The following ANO4 variants were observed in gnomAD, a reference collection of about 807,000 sequenced individuals.
ANO4 encodes the protein anoctamin-4.
In ANO4, 69 loss-of-function variants were observed where a neutral mutation model predicts 141.9. That is an observed-to-expected ratio of 0.49 (90% CI 0.40 to 0.59). ANO4 has a LOEUF of 0.59. Among genes scored for constraint, ANO4 ranks in the 20% least tolerant of loss-of-function variants. The pLI, the probability that ANO4 is intolerant of heterozygous loss-of-function variation, is 0.00. For synonymous variants in ANO4, 350 were observed against 394.3 expected, an observed-to-expected ratio of 0.89 and a Z score of 1.33; for missense variants, 894 against 1,162.2, an observed-to-expected ratio of 0.77 and a Z score of 3.36.
chr12:101,069,823 A>G (rs903732812), intron 14 of ANO4, among the ~76,000 whole-genome samples: 4 of 152,154 alleles, frequency 2.6e-5, no homozygotes, highest in Admixed American at 2.6e-4. Context: ...AAAAGTATCT[A>G]CGGGTATATA....
rs2047574697 is a variant in ANO4, at chr12:101,045,289, C to T, written c.1251+1654C>T. On this transcript the variant is annotated intron_variant, in intron 13 of 27. Transcript: ENST00000392977. ...CAGAGACTCAAAGAGGTAAAAATTA[C>T]TCATGCATGGTCATGCAGCAATAAG... Among the ~76,000 whole-genome samples, 3 of 152,170 alleles carry T rather than the reference C, an allele frequency of 2.0e-5. No individual in the cohort carries two copies. In the South Asian group the frequency reaches 6.2e-4, roughly 32 times the overall value.
chr12:100,997,331 CAAAAAA>C (rs34066695), intron 8 of ANO4, among the ~76,000 whole-genome samples: 3 of 75,944 alleles, frequency 4.0e-5, no homozygotes, highest in East Asian at 3.8e-4. Context: ...GACTCTGTCT[CAAAAAA>C]AAAAAAAAAA....
intron 25 of ANO4, among the ~76,000 whole-genome samples, chr12:101,118,320 C>G (rs2050939416): frequency 6.6e-6 from 1 of 152,070 alleles, no homozygotes; most frequent in Non-Finnish European, 1.5e-5. Context: ...TCCTGCCTGT[C>G]TCACATAGTA....
chr12:100,751,268 C>T lies in ANO4; in HGVS notation c.358+11163C>T, dbSNP rs143525467. On this transcript the variant is annotated intron_variant, in intron 3 of 29. Coordinates refer to the ANO4 transcript ENST00000644049. ...GAAGTGAAGTGTTTAGAAAGATCTA[C>T]GCGGGAAAGCAAGTGGGAGAGAATG... Among the ~76,000 whole-genome samples, 93 of 152,230 alleles carry T rather than the reference C, an allele frequency of 6.1e-4. No homozygotes were observed. The East Asian group carries it at 0.016, about 27-fold the overall frequency.
At chr12:101,069,608 C>T (rs1316674578) in intron 14 of ANO4, among the ~76,000 whole-genome samples, 1 of 152,156 alleles carries the variant, frequency 6.6e-6, no homozygotes, top group Non-Finnish European at 1.5e-5. Context: ...GTGCCAGTTA[C>T]AGCAGGTGAT....
intron 8 of ANO4, among the ~76,000 whole-genome samples, chr12:100,991,742 C>A (rs1000586813): frequency 6.6e-6 from 1 of 152,022 alleles, no homozygotes; most frequent in East Asian, 1.9e-4. Context: ...CTATGCCTTT[C>A]TCACTCATTT....
chr12:100,885,605 G>A (rs2039788931), intron 1 of ANO4: 1 of 152,210 alleles, frequency 6.6e-6, no homozygotes, highest in Admixed American at 6.5e-5. Context: ...GATAAAGAAT[G>A]TGCCTGGACT....
chr12:100,821,103 C>T (rs181503903), intron 1 of ANO4, among the ~76,000 whole-genome samples: 2 of 152,162 alleles, frequency 1.3e-5, no homozygotes, highest in East Asian at 3.9e-4. Context: ...CTCACGAATT[C>T]ACCTGTTGAT....
At chr12:100,731,869 A>G (rs944997337) in intron 1 of ANO4, among the ~76,000 whole-genome samples, 1 of 152,194 alleles carries the variant, frequency 6.6e-6, no homozygotes, top group Non-Finnish European at 1.5e-5. Context: ...TTGTCTGGAT[A>G]TACCACAGTT....
chr12:101,086,540 C>T, intron 16 of ANO4, 120 bp from the exon 17 acceptor site: 1 of 1,049,672 alleles, frequency 9.5e-7, no homozygotes, highest in South Asian at 1.5e-5. Context: ...ATTGTGATCT[C>T]TTGAGCAGTA....
intron 5 of ANO4, among the ~76,000 whole-genome samples, chr12:100,945,728 C>T (rs2042692122): frequency 6.6e-6 from 1 of 152,144 alleles, no homozygotes; most frequent in Admixed American, 6.5e-5. Flanking sequence ...GGAGCACCCT[C>T]CCGCTTCAGA....
intron 1 of ANO4, among the ~76,000 whole-genome samples, chr12:100,804,270 A>C (rs2034864330): frequency 6.6e-6 from 1 of 152,142 alleles, no homozygotes; most frequent in Admixed American, 6.5e-5. Context: ...GTCCTTGAGA[A>C]GGACATGATC....
At chr12:100,959,131 G>C (rs775213212) in intron 5 of ANO4, among the ~76,000 whole-genome samples, 4 of 147,380 alleles carry the variant, frequency 2.7e-5, no homozygotes, top group Non-Finnish European at 4.5e-5. Flanking sequence ...CACACACACA[G>C]TTCTGCTGAT....
rs56808655 is a variant in ANO4, at chr12:101,106,573, GTA to G, written c.2150-3810_2150-3809del. Among the ~76,000 whole-genome samples the G allele has an allele frequency of 7.2e-3, 1,004 of 138,488 alleles. 8 individuals carry two copies. Among genetic ancestry groups the G allele is most frequent in the Middle Eastern group, 0.012 (3 of 260 alleles). 90.9% of individuals were successfully genotyped at this position (138,488 alleles called of 152,430 possible). On this transcript the variant is annotated intron_variant, in intron 22 of 27. Transcript: ENST00000392977. ...TATGGATATTCATGTGTGTGTGTGT[GTA>G]TATATATATATATATATATAAATGA... is the stretch of plus-strand genomic sequence containing the variant.
intron 1 of ANO4, among the ~76,000 whole-genome samples, chr12:100,807,903 T>A (rs1157671393): frequency 3.9e-5 from 6 of 152,208 alleles, no homozygotes; most frequent in African/African-American, 1.2e-4. Context: ...TCTTGTTCCT[T>A]TTTATGGCTG....
At chr12:100,816,579 A>G (rs2035753492) in intron 1 of ANO4, among the ~76,000 whole-genome samples, 4 of 151,980 alleles carry the variant, frequency 2.6e-5, no homozygotes, top group Admixed American at 2.6e-4. Flanking sequence ...AGAATAAGTT[A>G]GTGGCAGTAC....
At chr12:101,056,379 A>G (rs938879456) in intron 14 of ANO4, among the ~76,000 whole-genome samples, 5 of 152,054 alleles carry the variant, frequency 3.3e-5, no homozygotes, top group African/African-American at 1.2e-4. Flanking sequence ...TTTTTCTGTA[A>G]TTTCAATTGC....
chr12:100,878,552 CTT>C lies in ANO4; in HGVS notation c.-140-23092_-140-23091del, dbSNP rs575755553. 5.9e-5 allele frequency among the ~76,000 whole-genome samples: 9 copies of C among 152,292 alleles called. No individual in the cohort carries two copies. In the South Asian group the frequency reaches 1.9e-3, roughly 32 times the overall value. ...ATCCACTGAATCAGAATCTCAGCAA[CTT>C]TGAGTGAAGGCAGGACCCTTAACTG... On this transcript the variant is annotated intron_variant, in intron 1 of 27. Transcript: ENST00000392977.
intron 1 of ANO4, among the ~76,000 whole-genome samples, chr12:100,894,446 A>G (rs1384042011): frequency 6.6e-6 from 1 of 152,048 alleles, no homozygotes; most frequent in Non-Finnish European, 1.5e-5. Flanking sequence ...ACCTACTTTC[A>G]GTTACCCACC....
Sources: gnomAD v4.1 joint callset for allele counts (sites outside exome capture counted in the v4.1 genomes callset) on GRCh38, gnomAD v4.1.1 for gene constraint, MANE v1.5 for transcripts, NCBI Gene and HGNC (gene_info 2026-07-23, HGNC 2026-07-21) for gene names.